Variants in OR10H1 observed in about 807,000 individuals in gnomAD.
OR10H1 encodes olfactory receptor family 10 subfamily H member 1, also known as olfactory receptor 10H1.
In OR10H1, 12 loss-of-function variants were observed where a neutral mutation model predicts 13.1. That is an observed-to-expected ratio of 0.92 (90% CI 0.59 to 1.48). OR10H1 has a LOEUF of 1.48. Ranked by LOEUF, OR10H1 falls within the 40% of genes most tolerant of loss-of-function variation. The pLI, the probability that OR10H1 is intolerant of heterozygous loss-of-function variation, is 0.00. For missense variants in OR10H1, 363 were observed against 413.1 expected (o/e 0.88, Z 1.05); for synonymous variants, 168 against 175.6 (o/e 0.96, Z 0.34).
At chr19:15,809,266 TTATTTATTTATTTATTTATG>T (rs1287706437) in intron 2 of OR10H1, among the ~76,000 whole-genome samples, 1 of 115,180 alleles carries the variant, frequency 8.7e-6, no homozygotes, top group Non-Finnish European at 1.8e-5. Context: ...TAATGATTAT[TTATTTATTTATTTATTTATG>T]TATTTATTTA....
In OR10H1 at chr19:15,806,971, C is replaced by T; in HGVS notation, c.*110G>A. 1 of 1,018,156 alleles carries T rather than the reference C, an allele frequency of 9.8e-7. No individual in the cohort carries two copies. Among genetic ancestry groups the T allele is most frequent in the Non-Finnish European group, 1.5e-6 (1 of 684,028 alleles). The allele number at this position is 1,018,156 out of a possible 1,614,324, so 63.1% of individuals were successfully genotyped here. Reference sequence around the variant, plus strand: ...CAAACTCCTGACCTCAGGTGATCCGCCTGCCTCGGCCTCCCAAAGTGCTGG... The same window carrying T: ...CAAACTCCTGACCTCAGGTGATCCGTCTGCCTCGGCCTCCCAAAGTGCTGG... On this transcript the variant is annotated 3_prime_UTR_variant, in exon 4 of 4. Coordinates refer to ENST00000641419, the MANE Select transcript of OR10H1 (RefSeq NM_013940.4).
At chr19:15,811,255 C>T (rs1392575192) in intron 2 of OR10H1, among the ~76,000 whole-genome samples, 1 of 152,192 alleles carries the variant, frequency 6.6e-6, no homozygotes, top group African/African-American at 2.4e-5. Flanking sequence ...GAGTAAATGA[C>T]TTGGAAACAA....
intron 2 of OR10H1, among the ~76,000 whole-genome samples, chr19:15,810,364 C>A (rs2088926632): frequency 6.8e-6 from 1 of 147,636 alleles, no homozygotes; most frequent in Non-Finnish European, 1.5e-5. Flanking sequence ...CTGTTCTGAA[C>A]ATTTTACATA....
chr19:15,815,409 G>A (rs1419730449), intron 1 of OR10H1, 146 bp downstream of exon 1: 1 of 152,188 alleles, frequency 6.6e-6, no homozygotes, highest in Non-Finnish European at 1.5e-5. Flanking sequence ...CTAAGACGTG[G>A]TGAGTGGCCT....
At chr19:15,813,190 G>A (rs2088944245) in intron 1 of OR10H1, among the ~76,000 whole-genome samples, 1 of 151,552 alleles carries the variant, frequency 6.6e-6, no homozygotes, top group African/African-American at 2.4e-5. Flanking sequence ...AGGGGAAATT[G>A]TGTGCAGGCG....
At chr19:15,814,355 T>C (rs1341621808) in intron 1 of OR10H1, among the ~76,000 whole-genome samples, 2 of 151,920 alleles carry the variant, frequency 1.3e-5, no homozygotes, top group East Asian at 3.9e-4. Flanking sequence ...TCTCTTCCAC[T>C]TAAGCCACCA....
At chr19:15,814,478 TGTGAGAGAGAGAGAGAGAGA>T (rs1334033322) in intron 1 of OR10H1, among the ~76,000 whole-genome samples, 26 of 26,462 alleles carry the variant, frequency 9.8e-4, no homozygotes, top group African/African-American at 4.2e-3. Context: ...TGTGTGTGTG[TGTGAGAGAGAGAGAGAGAGA>T]GAGAGAGAGA....
In OR10H1 at chr19:15,807,008, T is replaced by G. The variant is rs2144939374; in HGVS notation, c.*73A>C. 3 of 1,407,106 alleles carry G rather than the reference T, an allele frequency of 2.1e-6. No individual in the cohort carries two copies. The highest frequency in any genetic ancestry group is 9.8e-7 in the Non-Finnish European group (1 of 1,018,486). 87.2% of individuals were successfully genotyped at this position (1,407,106 alleles called of 1,614,324 possible). Reference sequence around the variant, plus strand: ...TCCCAAAGTGCTGGGATTACAGGCATGAGTCACCACGGAACGTAATTTTTA... The same window carrying G: ...TCCCAAAGTGCTGGGATTACAGGCAGGAGTCACCACGGAACGTAATTTTTA... On this transcript the variant is annotated 3_prime_UTR_variant, in exon 4 of 4. Coordinates refer to ENST00000641419, the MANE Select transcript of OR10H1 (RefSeq NM_013940.4).
In OR10H1 at chr19:15,807,529, C is replaced by G; in HGVS notation, c.509G>C (p.Gly170Ala). Reference protein sequence around the residue: ...TSAIFHLAFCGHKEIHHFACH... With the variant: ...TSAIFHLAFCAHKEIHHFACH... ...AGCAAAATGGTGGATCTCCTTGTGT[C>G]CACAGAAGGCGAGGTGGAAAATGGC... The change falls in exon 4 of 4, where the codon GGA becomes GCA. Residue 170 changes from glycine to alanine, a missense_variant. This residue lies in a region of OR10H1 where 318 missense variants were observed against 366.6 expected (regional missense o/e 0.87). Coordinates refer to ENST00000641419, the MANE Select transcript of OR10H1 (RefSeq NM_013940.4). 2 of 1,614,216 alleles carry G rather than the reference C, an allele frequency of 1.2e-6. No homozygotes were observed. The highest frequency in any genetic ancestry group is 1.7e-6 in the Non-Finnish European group (2 of 1,180,054).
At chr19:15,814,823 C>T (rs939688019) in intron 1 of OR10H1, among the ~76,000 whole-genome samples, 14 of 152,232 alleles carry the variant, frequency 9.2e-5, no homozygotes, top group African/African-American at 3.4e-4. Context: ...TTCTTTACAC[C>T]CTGGGGTGGT....
rs1024862451 is a variant in OR10H1 at position 15,812,689 on chromosome 19, G to A, written c.-588C>T. ...GCAGGAAGGAAGGAAGGAGAGTGAG[G>A]GAGGAAAGAAGGAGAGTGAGATAGG... On this transcript the variant is annotated 5_prime_UTR_variant, in exon 2 of 4. Coordinates refer to ENST00000641419, the MANE Select transcript of OR10H1 (RefSeq NM_013940.4). 2.0e-4 allele frequency: 30 copies of A among 147,262 alleles called. No homozygotes were observed. Among genetic ancestry groups the A allele is most frequent in the African/African-American group, 6.7e-4 (27 of 40,108 alleles). The allele number at this position is 147,262 out of a possible 1,614,324, so 9.1% of individuals were successfully genotyped here. A position where few individuals can be genotyped will look rare whatever the true frequency, so the allele number is the denominator to read the frequency against.
intron 2 of OR10H1, among the ~76,000 whole-genome samples, chr19:15,809,725 A>G (rs2088922288): frequency 1.3e-5 from 2 of 152,218 alleles, no homozygotes; most frequent in Admixed American, 6.5e-5. Flanking sequence ...TAATTAATAC[A>G]GTAAATGAGT....
rs1349490713 is a variant in OR10H1, at chr19:15,806,941, G to A, written c.*140C>T. ...GGGGTTTCGCCATGTTAGCCATGCT[G>A]GTCTCAAACTCCTGACCTCAGGTGA... On this transcript the variant is annotated 3_prime_UTR_variant, in exon 4 of 4. Transcript: ENST00000641419. The A allele has an allele frequency of 1.3e-5, 10 of 754,506 alleles. No individual in the cohort carries two copies. Among genetic ancestry groups the A allele is most frequent in the Non-Finnish European group, 2.2e-5 (10 of 454,588 alleles). The allele number at this position is 754,506 out of a possible 1,614,324, so 46.7% of individuals were successfully genotyped here. A position where few individuals can be genotyped will look rare whatever the true frequency, so the allele number is the denominator to read the frequency against.
Position 15,805,195 on chromosome 19 carries a change from T to G in OR10H1, c.*1886A>C, listed in dbSNP as rs2088888728. 1 of 152,116 alleles carries G rather than the reference T, an allele frequency of 6.6e-6. No individual in the cohort carries two copies. The highest frequency in any genetic ancestry group is 1.5e-5 in the Non-Finnish European group (1 of 68,016). The allele number at this position is 152,116 out of a possible 1,614,324, so 9.4% of individuals were successfully genotyped here. On this transcript the variant is annotated 3_prime_UTR_variant, in exon 4 of 4. Transcript: ENST00000641419. The stretch of plus-strand genomic sequence containing the variant: ...GTTGCCTGTTCACTCTGATGGTAGT[T>G]TCTTTTGCTGTGCAGAAGCTCTTTA...
intron 1 of OR10H1, among the ~76,000 whole-genome samples, chr19:15,814,476 TGTGTGAGAGAGAGAGAGAGAGAGAGA>T (rs1429690283): frequency 5.6e-4 from 24 of 43,096 alleles, no homozygotes; most frequent in African/African-American, 2.9e-3. Context: ...TGTGTGTGTG[TGTGTGAGAGAGAGAGAGAGAGAGAGA>T]GAGAGAGAGA....
intron 2 of OR10H1, among the ~76,000 whole-genome samples, chr19:15,811,449 G>C (rs2088932023): frequency 6.6e-6 from 1 of 151,980 alleles, no homozygotes; most frequent in African/African-American, 2.4e-5. Flanking sequence ...TAGCATCCCT[G>C]GTCTCTGTCA....
intron 1 of OR10H1, among the ~76,000 whole-genome samples, chr19:15,813,469 AG>A: frequency 1.7e-5 from 1 of 57,532 alleles, no homozygotes; most frequent in African/African-American, 6.4e-5. Context: ...AGAGAGAGGC[AG>A]GGGAAGAGAG....
chr19:15,809,974 G>A (rs568341484), intron 2 of OR10H1, among the ~76,000 whole-genome samples: 28 of 152,198 alleles, frequency 1.8e-4, no homozygotes, highest in African/African-American at 6.7e-4. Context: ...GCACCACCAT[G>A]CTTAGTTAAT....
rs2088940629 is a variant in OR10H1 at position 15,812,675 on chromosome 19, G to A, written c.-574C>T. On this transcript the variant is annotated 5_prime_UTR_variant, in exon 2 of 4. Transcript: ENST00000641419. ...AGGGAGGGAGGGAGGCAGGAAGGAA[G>A]GAAGGAGAGTGAGGGAGGAAAGAAG... The A allele has an allele frequency of 6.7e-6, 1 of 149,680 alleles. No homozygotes were observed. 9.3% of individuals were successfully genotyped at this position (149,680 alleles called of 1,614,324 possible).
Sources: allele counts gnomAD v4.1 joint callset (sites outside exome capture counted in the v4.1 genomes callset), GRCh38; gene constraint gnomAD v4.1.1; regional missense constraint gnomAD v4.1.1; transcripts MANE v1.5; gene names NCBI Gene and HGNC (gene_info 2026-07-23, HGNC 2026-07-21).